The following LARGE1 variants were observed in gnomAD, a reference collection of about 807,000 sequenced individuals.
LARGE1 encodes LARGE xylosyl- and glucuronyltransferase 1.
LARGE1 carries 43 observed loss-of-function variants against 87.6 expected under a neutral mutation model. That is an observed-to-expected ratio of 0.49 (90% CI 0.38 to 0.63). LARGE1 has a LOEUF of 0.63. LARGE1 is among the 30% of genes least tolerant of loss of function. The pLI is 0.00. For synonymous variants in LARGE1, 434 were observed against 394.6 expected (o/e 1.10, Z -1.18); for missense variants, 802 against 1,000.2 (o/e 0.80, Z 2.67).
intron 2 of LARGE1, among the ~76,000 whole-genome samples, chr22:33,726,888 C>G (rs1034316125): frequency 2.0e-5 from 3 of 149,708 alleles, no homozygotes; most frequent in Non-Finnish European, 3.0e-5. Flanking sequence ...CCTCTCTGCT[C>G]AATAAATCCT....
chr22:33,713,528 A>T (rs914197909), intron 2 of LARGE1, among the ~76,000 whole-genome samples: 2 of 152,048 alleles, frequency 1.3e-5, no homozygotes, highest in Non-Finnish European at 2.9e-5. Flanking sequence ...ACAGCAAACC[A>T]GGTTGGCACT....
chr22:33,915,700 G>T (rs142160668), intron 1 of LARGE1, among the ~76,000 whole-genome samples: 1 of 152,098 alleles, frequency 6.6e-6, no homozygotes, highest in Non-Finnish European at 1.5e-5. Context: ...ATTTTATCTC[G>T]CAACCATTCT....
intron 1 of LARGE1, among the ~76,000 whole-genome samples, chr22:33,845,074 C>T (rs888416154): frequency 4.6e-5 from 7 of 151,880 alleles, no homozygotes; most frequent in African/African-American, 7.3e-5. Context: ...TAAAATCTTC[C>T]GGGAAATGCA....
intron 6 of LARGE1, among the ~76,000 whole-genome samples, chr22:33,491,509 G>A (rs1049873957): frequency 1.2e-4 from 18 of 152,168 alleles, no homozygotes; most frequent in Non-Finnish European, 1.8e-4. Context: ...AATGCTCGAC[G>A]CTCACTTCAA....
In LARGE1 at chr22:33,274,336, TG is replaced by T; in HGVS notation, c.*90del. The T allele has an allele frequency of 7.5e-7, 1 of 1,333,042 alleles. No homozygotes were observed. Among genetic ancestry groups the T allele is most frequent in the South Asian group, 1.2e-5 (1 of 85,354 alleles). The allele number at this position is 1,333,042 out of a possible 1,614,324, so 82.6% of individuals were successfully genotyped here. On this transcript the variant is annotated 3_prime_UTR_variant, in exon 15 of 15. Coordinates refer to ENST00000397394, the MANE Select transcript of LARGE1 (RefSeq NM_133642.5). ...TAAATAAAAACAAACCGAAAAAGCA[TG>T]GCTCAATTTTGAATTTGAAGGCCGG...
intron 1 of LARGE1, among the ~76,000 whole-genome samples, chr22:33,919,707 G>C (rs1317429541): frequency 2.6e-5 from 4 of 152,248 alleles, no homozygotes; most frequent in Non-Finnish European, 4.4e-5. Context: ...GCGGGTATCG[G>C]TCACATGCCC....
rs535581767 is a variant in LARGE1, at chr22:33,544,699, C to G, written c.787+20149G>C. Among the ~76,000 whole-genome samples the G allele has an allele frequency of 1.2e-4, 18 of 152,016 alleles. No individual in the cohort carries two copies. The South Asian group carries it at 3.3e-3, about 28-fold the overall frequency. Reference sequence around the variant, plus strand: ...CCCTGTCTCAAAACAACAACCACAACAACAACAACAACAACGAGTACCTTT... The same window carrying G: ...CCCTGTCTCAAAACAACAACCACAAGAACAACAACAACAACGAGTACCTTT... On this transcript the variant is annotated intron_variant, in intron 6 of 14. Coordinates refer to ENST00000397394, the MANE Select transcript of LARGE1 (RefSeq NM_133642.5).
intron 7 of LARGE1, among the ~76,000 whole-genome samples, chr22:33,387,439 A>AG (rs1299886319): frequency 1.3e-3 from 199 of 151,246 alleles, no homozygotes; most frequent in African/African-American, 4.7e-3. Context: ...AAAAAAAAAA[A>AG]AAAAAAAGAA....
chr22:33,542,871 T>C (rs1181939502), intron 6 of LARGE1, among the ~76,000 whole-genome samples: 1 of 152,120 alleles, frequency 6.6e-6, no homozygotes, highest in Non-Finnish European at 1.5e-5. Context: ...CTACAGCTAG[T>C]AAAGATGAAA....
At chr22:33,293,560 C>T (rs770828617) in intron 12 of LARGE1, among the ~76,000 whole-genome samples, 1 of 152,142 alleles carries the variant, frequency 6.6e-6, no homozygotes, top group Non-Finnish European at 1.5e-5. Context: ...AACCTTGCAA[C>T]TGGAAAAATG....
At chr22:33,577,237 A>AC (rs1299649639) in intron 5 of LARGE1, among the ~76,000 whole-genome samples, 6 of 152,234 alleles carry the variant, frequency 3.9e-5, no homozygotes, top group African/African-American at 1.4e-4. Flanking sequence ...AGGTTTAATC[A>AC]GGGAAATAAA....
intron 2 of LARGE1, among the ~76,000 whole-genome samples, chr22:33,754,367 T>A (rs1043206556): frequency 6.6e-6 from 1 of 151,778 alleles, no homozygotes; most frequent in Admixed American, 6.6e-5. Context: ...GACGGAGTCT[T>A]GCTCTGTCAC....
At chr22:33,844,494 G>T (rs778452233) in intron 1 of LARGE1, among the ~76,000 whole-genome samples, 1 of 152,116 alleles carries the variant, frequency 6.6e-6, no homozygotes, top group East Asian at 1.9e-4. Context: ...CACTTAGGAC[G>T]ATCAGGCAGC....
At chr22:33,605,726 C>T (rs1356946692) in intron 4 of LARGE1, among the ~76,000 whole-genome samples, 3 of 152,208 alleles carry the variant, frequency 2.0e-5, no homozygotes, top group Admixed American at 2.0e-4. Context: ...AGAAATAAAG[C>T]ACTGTGGGAA....
chr22:33,418,668 G>A (rs2066584976), intron 7 of LARGE1, among the ~76,000 whole-genome samples: 1 of 152,150 alleles, frequency 6.6e-6, no homozygotes, highest in South Asian at 2.1e-4. Context: ...GCAGGGGTGA[G>A]AATGTGCCTG....
intron 11 of LARGE1, among the ~76,000 whole-genome samples, chr22:33,204,927 G>A (rs773962553): frequency 2.0e-5 from 3 of 151,958 alleles, no homozygotes; most frequent in Non-Finnish European, 4.4e-5. Context: ...GTAGTCTTCC[G>A]TTCTAGCACA....
intron 11 of LARGE1, among the ~76,000 whole-genome samples, chr22:33,257,847 AAAC>A (rs1927400152): frequency 6.6e-6 from 1 of 152,226 alleles, no homozygotes; most frequent in Non-Finnish European, 1.5e-5. Flanking sequence ...TGGTGAATAA[AAAC>A]AGTTCCAGTT....
At chr22:33,488,694 T>G (rs1339368817) in intron 6 of LARGE1, among the ~76,000 whole-genome samples, 1 of 152,204 alleles carries the variant, frequency 6.6e-6, no homozygotes, top group Non-Finnish European at 1.5e-5. Flanking sequence ...TCATTTGCCC[T>G]GACAATACTA....
chr22:33,171,281 C>G (rs1371495343), intron 11 of LARGE1, among the ~76,000 whole-genome samples: 4 of 152,150 alleles, frequency 2.6e-5, no homozygotes, highest in African/African-American at 9.7e-5. Context: ...GGAAGTAGAG[C>G]ATAAAGGTTT....
Sources: allele counts gnomAD v4.1 joint callset (sites outside exome capture counted in the v4.1 genomes callset), GRCh38; gene constraint gnomAD v4.1.1; transcripts MANE v1.5; gene names NCBI Gene and HGNC (gene_info 2026-07-23, HGNC 2026-07-21).